MTG1: variants seen among roughly 807,000 people sequenced by gnomAD.
MTG1 encodes the protein mitochondrial ribosome-associated GTPase 1.
MTG1 carries 30 observed loss-of-function variants against 39.5 expected under a neutral mutation model. That is an observed-to-expected ratio of 0.76 (90% CI 0.57 to 1.03). The LOEUF (loss-of-function observed/expected upper bound fraction) is 1.03. Ranked by LOEUF, MTG1 falls within the 50% of genes least tolerant of loss-of-function variation. MTG1 has a pLI of 0.00. For missense variants in MTG1, 513 were observed against 447.4 expected (o/e 1.15, Z -1.32); for synonymous variants, 217 against 179.0 (o/e 1.21, Z -1.69).
chr10:133,401,175 T>C (rs1263901795), intron 6 of MTG1, among the ~76,000 whole-genome samples: 1 of 152,176 alleles, frequency 6.6e-6, no homozygotes, highest in Non-Finnish European at 1.5e-5. Context: ...AAGGAGCAGC[T>C]CAGGTCTGAC....
At chr10:133,401,994 C>G in intron 7 of MTG1, 155 bp from the exon 8 acceptor site, 1 of 760,584 alleles carries the variant, frequency 1.3e-6, no homozygotes, top group Admixed American at 2.4e-5. Flanking sequence ...CTCTGGGGAA[C>G]CCTGGAGCTT....
chr10:133,404,102 T>G (rs1849931633), intron 9 of MTG1, among the ~76,000 whole-genome samples: 1 of 151,576 alleles, frequency 6.6e-6, no homozygotes, highest in Non-Finnish European at 1.5e-5. Context: ...AACTGAGTTG[T>G]TTCTTTCCTT....
At chr10:133,412,553 TAC>T (rs1850062836) in intron 9 of MTG1, among the ~76,000 whole-genome samples, 1 of 152,234 alleles carries the variant, frequency 6.6e-6, no homozygotes, top group Admixed American at 6.5e-5. Flanking sequence ...TTGCACTGGC[TAC>T]AGTCTTCAAT....
chr10:133,419,805 G>C (rs548493820), intron 10 of MTG1, among the ~76,000 whole-genome samples: 1 of 152,212 alleles, frequency 6.6e-6, no homozygotes, highest in Non-Finnish European at 1.5e-5. Flanking sequence ...GCCCTGCCGC[G>C]TATTGGGCAG....
Position 133,394,234 on chromosome 10 carries a change from C to A in MTG1, c.14C>A (p.Pro5Gln). 1 of 1,516,642 alleles carries A rather than the reference C, an allele frequency of 6.6e-7. No individual in the cohort carries two copies. Among genetic ancestry groups the A allele is most frequent in the Non-Finnish European group, 8.8e-7 (1 of 1,137,056 alleles). 93.9% of individuals were successfully genotyped at this position (1,516,642 alleles called of 1,614,324 possible). ...GACGGTGCCGCCATGAGATTGACCC[C>A]GCGCGCGCTGTGCAGCGCCGCCCAG... MRLT[P>Q]RALCSAAQAA... The change falls in exon 1 of 11, where the codon CCG becomes CAG. Residue 5 changes from proline (P) to glutamine (Q), a missense_variant. By Grantham distance (76) the Pro-to-Gln change is moderately conservative. Transcript: ENST00000317502.
intron 9 of MTG1, among the ~76,000 whole-genome samples, chr10:133,408,998 A>T (rs1416775852): frequency 3.4e-5 from 5 of 145,744 alleles, no homozygotes; most frequent in African/African-American, 7.6e-5. Context: ...TGTTTCATTG[A>T]TCTTTGGTAT....
rs774072284 is a variant in MTG1 at position 133,419,564 on chromosome 10, G to A, written c.837G>A (p.Thr279=). The A allele has an allele frequency of 6.2e-6, 10 of 1,608,566 alleles. No homozygotes were observed. Among genetic ancestry groups the A allele is most frequent in the South Asian group, 2.2e-5 (2 of 89,996 alleles). Residue 279 remains threonine, a synonymous_variant, in exon 10 of 11, where the codon ACG becomes ACA. Coordinates refer to ENST00000317502, the MANE Select transcript of MTG1 (RefSeq NM_138384.4). ...LKSVAVKLGK[T]QKVKVLTGTG... ...GTGTGGCTGTGAAGCTGGGGAAGAC[G>A]CAGAAGGTGAAGGTGCTCACGGGCA...
intron 9 of MTG1, among the ~76,000 whole-genome samples, chr10:133,417,530 C>A (rs78323156): frequency 0.12 from 18,337 of 151,344 alleles, 1,507 homozygotes; most frequent in East Asian, 0.27. Flanking sequence ...CTGGCCAGGG[C>A]AGTTAGGCAG....
At chr10:133,401,495 T>C in intron 6 of MTG1, 34 bp from the exon 7 acceptor site, 1 of 1,529,266 alleles carries the variant, frequency 6.5e-7, no homozygotes. Flanking sequence ...GTGTTTAGTA[T>C]ACATTTGAGC....
intron 9 of MTG1, among the ~76,000 whole-genome samples, chr10:133,418,900 A>C (rs1850178272): frequency 6.6e-6 from 1 of 152,196 alleles, no homozygotes; most frequent in South Asian, 2.1e-4. Flanking sequence ...GTGAGGAGTC[A>C]GAGTGCCCGT....
intron 9 of MTG1, 151 bp from the exon 10 acceptor site, chr10:133,419,329 C>T (rs1850188749): frequency 1.7e-6 from 1 of 601,970 alleles, no homozygotes; most frequent in Admixed American, 2.8e-5. Flanking sequence ...CCTGCAGTCT[C>T]ATCTTGGTCA....
chr10:133,413,498 C>T (rs1040385567), intron 9 of MTG1, among the ~76,000 whole-genome samples: 7 of 152,094 alleles, frequency 4.6e-5, no homozygotes, highest in African/African-American at 1.2e-4. Context: ...AAGTGATCCA[C>T]GTGCCTCCCA....
At chr10:133,394,737 G>A in intron 1 of MTG1, 1 of 1,016,210 alleles carries the variant, frequency 9.8e-7, no homozygotes, top group Non-Finnish European at 1.2e-6. Context: ...TGGGTATGAA[G>A]GCACCTGTTC....
At chr10:133,407,174 C>T (rs1341646586) in intron 9 of MTG1, among the ~76,000 whole-genome samples, 1 of 152,128 alleles carries the variant, frequency 6.6e-6, no homozygotes, top group Non-Finnish European at 1.5e-5. Flanking sequence ...TGTTTTATGC[C>T]AGTAGCGTGC....
chr10:133,406,841 T>A (rs1323264499), intron 9 of MTG1, among the ~76,000 whole-genome samples: 1 of 152,040 alleles, frequency 6.6e-6, no homozygotes, highest in Non-Finnish European at 1.5e-5. Context: ...AGTTTTGTAT[T>A]TTTAGTAGAG....
At chr10:133,401,793 G>A (rs1429069819) in intron 7 of MTG1, 1 of 706,772 alleles carries the variant, frequency 1.4e-6, no homozygotes. Flanking sequence ...CTTTGGGGAA[G>A]GCACGCTGTT....
intron 5 of MTG1, 103 bp from the exon 6 acceptor site, chr10:133,399,426 C>A: frequency 7.7e-7 from 1 of 1,295,226 alleles, no homozygotes; most frequent in East Asian, 2.3e-5. Context: ...CCCTTCTTCC[C>A]TGAGCTGACC....
intron 9 of MTG1, among the ~76,000 whole-genome samples, chr10:133,412,938 TC>T (rs1399099299): frequency 6.6e-6 from 1 of 152,254 alleles, no homozygotes; most frequent in East Asian, 1.9e-4. Flanking sequence ...TTCTTGCTGT[TC>T]AGTCAGTTTT....
chr10:133,399,451 C>T, intron 5 of MTG1, 78 bp from the exon 6 acceptor site: 1 of 1,468,658 alleles, frequency 6.8e-7, no homozygotes, highest in Non-Finnish European at 9.5e-7. Context: ...CTGGGGTCCC[C>T]TTGCCTGGGT....
Sources: allele counts gnomAD v4.1 joint callset (sites outside exome capture counted in the v4.1 genomes callset), GRCh38; gene constraint gnomAD v4.1.1; transcripts MANE v1.5; gene names NCBI Gene and HGNC (gene_info 2026-07-23, HGNC 2026-07-21).